SYNPO2: variants seen among roughly 807,000 people sequenced by gnomAD.
SYNPO2 encodes the protein synaptopodin-2.
In SYNPO2, 56 loss-of-function variants were observed where a neutral mutation model predicts 85.0. The ratio of observed to expected loss-of-function variants is 0.66; its 90% CI spans 0.53 to 0.82. The LOEUF (loss-of-function observed/expected upper bound fraction) is 0.82, where lower values mean the gene tolerates loss of function less well. Ranked by LOEUF, SYNPO2 falls within the 40% of genes least tolerant of loss-of-function variation. The pLI, the probability that SYNPO2 is intolerant of heterozygous loss-of-function variation, is 0.00. For missense variants in SYNPO2, 1,575 were observed against 1,534.2 expected (o/e 1.03, Z -0.44); for synonymous variants, 602 against 591.1 (o/e 1.02, Z -0.27).
chr4:118,959,188 A>C (rs1734983491), intron 1 of SYNPO2, among the ~76,000 whole-genome samples: 1 of 152,190 alleles, frequency 6.6e-6, no homozygotes, highest in African/African-American at 2.4e-5. Context: ...CCCGATTACC[A>C]TATCAGGACA....
rs111521068 is a variant in SYNPO2, at chr4:118,859,918, T to C, written c.12+8978T>C. Among the ~76,000 whole-genome samples the C allele has an allele frequency of 8.8e-3, 1,333 of 152,298 alleles. 18 individuals carry two copies. The highest frequency in any genetic ancestry group is 0.03 in the African/African-American group (1,263 of 41,558). On this transcript the variant is annotated intron_variant, in intron 1 of 4. Coordinates refer to the SYNPO2 transcript ENST00000610556. ...CTCTTTGATATACTGATTTCCTTTC[T>C]TTTGGATGTATACCTAGGAGTGAAA...
intron 1 of SYNPO2, among the ~76,000 whole-genome samples, chr4:118,946,151 C>G (rs892816668): frequency 3.3e-5 from 5 of 151,912 alleles, no homozygotes; most frequent in Non-Finnish European, 5.9e-5. Context: ...ATCATCTAAC[C>G]AGAGGCAGAT....
At chr4:118,852,693 A>T (rs1291747481) in intron 1 of SYNPO2, among the ~76,000 whole-genome samples, 3 of 152,198 alleles carry the variant, frequency 2.0e-5, no homozygotes, top group Non-Finnish European at 2.9e-5. Flanking sequence ...CATAGAGGGG[A>T]ACAACACACA....
intron 4 of SYNPO2, chr4:119,038,452 G>A: frequency 8.1e-6 from 8 of 985,246 alleles, no homozygotes; most frequent in Non-Finnish European, 9.6e-6. Context: ...GAATAGTGTT[G>A]TTCGTTGGCT....
chr4:119,044,469 A>G (rs1738815907), intron 4 of SYNPO2, among the ~76,000 whole-genome samples: 2 of 152,238 alleles, frequency 1.3e-5, no homozygotes, highest in Admixed American at 1.3e-4. Flanking sequence ...TCTGTGCTTA[A>G]GAAAACAAGC....
chr4:118,977,526 A>G (rs1165265937), intron 1 of SYNPO2, among the ~76,000 whole-genome samples: 3 of 152,168 alleles, frequency 2.0e-5, no homozygotes, highest in Non-Finnish European at 4.4e-5. Context: ...GGCTCCTCAA[A>G]TGCCACCAAA....
At chr4:119,023,088 T>G (rs1417893226) in intron 1 of SYNPO2, among the ~76,000 whole-genome samples, 1 of 152,248 alleles carries the variant, frequency 6.6e-6, no homozygotes, top group African/African-American at 2.4e-5. Flanking sequence ...AATAATTATT[T>G]TTAATGCCAT....
At chr4:118,887,245 C>T (rs1183191953), upstream of SYNPO2, among the ~76,000 whole-genome samples, 1 of 151,330 alleles carries the variant, frequency 6.6e-6, no homozygotes, top group Non-Finnish European at 1.5e-5. Context: ...GGGCTGATTC[C>T]TGCCTTGCGC....
At chr4:119,048,233 G>T (rs1738929641) in intron 4 of SYNPO2, among the ~76,000 whole-genome samples, 1 of 152,338 alleles carries the variant, frequency 6.6e-6, no homozygotes, top group Middle Eastern at 3.4e-3. Flanking sequence ...GGTGGGGATA[G>T]TTCTGTTTGT....
At chr4:118,971,311 A>G (rs6849279) in intron 1 of SYNPO2, among the ~76,000 whole-genome samples, 121,400 of 152,082 alleles carry the variant, frequency 0.8, 48,848 homozygotes, top group South Asian at 0.89. Context: ...GCCAGAATCC[A>G]TGGATGGTTA....
chr4:118,960,904 C>T (rs1205525873), intron 1 of SYNPO2, among the ~76,000 whole-genome samples: 1 of 152,144 alleles, frequency 6.6e-6, no homozygotes, highest in Non-Finnish European at 1.5e-5. Flanking sequence ...TCTGATTGGG[C>T]TGTTATAGTC....
rs781341363 is a variant in SYNPO2, at chr4:119,031,514, C to T, written c.2739C>T (p.Tyr913=). 6.2e-7 allele frequency: 1 copy of T among 1,614,174 alleles called. No individual in the cohort carries two copies. The highest frequency in any genetic ancestry group is 8.5e-7 in the Non-Finnish European group (1 of 1,180,028). ...PTPSLPASWK[Y]SSNVRAPPPV... Reference sequence around the variant, plus strand: ...CATCTCTCCCGGCCAGTTGGAAGTACTCCTCCAATGTCCGAGCACCTCCTC... The same window carrying T: ...CATCTCTCCCGGCCAGTTGGAAGTATTCCTCCAATGTCCGAGCACCTCCTC... The change falls in exon 4 of 5, where the codon TAC becomes TAT. Residue 913 remains tyrosine, a synonymous_variant. Coordinates refer to ENST00000307142, the MANE Select transcript of SYNPO2 (RefSeq NM_133477.3).
chr4:118,972,680 G>A (rs1735582283), intron 1 of SYNPO2, among the ~76,000 whole-genome samples: 2 of 152,058 alleles, frequency 1.3e-5, no homozygotes, highest in Non-Finnish European at 2.9e-5. Flanking sequence ...ATTGTTGTCA[G>A]GTTTACAGAG....
chr4:119,011,377 C>T (rs1234297216), intron 1 of SYNPO2, among the ~76,000 whole-genome samples: 1 of 151,914 alleles, frequency 6.6e-6, no homozygotes, highest in East Asian at 1.9e-4. Context: ...TATGACCTTA[C>T]CTCTCTCATG....
intron 1 of SYNPO2, among the ~76,000 whole-genome samples, chr4:118,941,865 A>G (rs1734324561): frequency 6.6e-6 from 1 of 152,222 alleles, no homozygotes. Context: ...CACCGCCTTT[A>G]CTGTGTTTTC....
chr4:119,053,588 G>C (rs76821311), intron 4 of SYNPO2, among the ~76,000 whole-genome samples: 2,363 of 152,168 alleles, frequency 0.016, 31 homozygotes, highest in Non-Finnish European at 0.023. Context: ...AGAAAGCCCT[G>C]GCTTACTCTT....
At chr4:118,940,650 C>T (rs1188069636) in intron 1 of SYNPO2, among the ~76,000 whole-genome samples, 1 of 152,126 alleles carries the variant, frequency 6.6e-6, no homozygotes, top group Non-Finnish European at 1.5e-5. Flanking sequence ...CGGACCCCCA[C>T]CCCTACCTGG....
At chr4:118,939,906 G>T in intron 1 of SYNPO2, among the ~76,000 whole-genome samples, 1 of 151,480 alleles carries the variant, frequency 6.6e-6, no homozygotes, top group African/African-American at 2.4e-5. Flanking sequence ...GTGTGAATGT[G>T]CTGGCTTGGC....
At chr4:119,035,249 T>C in intron 4 of SYNPO2, 4 of 985,420 alleles carry the variant, frequency 4.1e-6, no homozygotes, top group Non-Finnish European at 4.8e-6. Flanking sequence ...CTGACGGGAA[T>C]GTTGTGCTAT....
Sources: gnomAD v4.1 joint callset for allele counts (sites outside exome capture counted in the v4.1 genomes callset) on GRCh38, gnomAD v4.1.1 for gene constraint, MANE v1.5 for transcripts, NCBI Gene and HGNC (gene_info 2026-07-23, HGNC 2026-07-21) for gene names.